Variants in CDKAL1 observed in about 807,000 individuals in gnomAD.
The protein encoded by CDKAL1 is threonylcarbamoyladenosine tRNA methylthiotransferase.
CDKAL1 carries 32 observed loss-of-function variants against 68.2 expected under a neutral mutation model. The observed-to-expected ratio is 0.47, with a 90% CI of 0.35 to 0.63. The LOEUF (loss-of-function observed/expected upper bound fraction) is 0.63. Among genes scored for constraint, CDKAL1 ranks in the 30% least tolerant of loss-of-function variants. CDKAL1 has a pLI of 0.00. For synonymous variants in CDKAL1, 234 were observed against 244.3 expected, an observed-to-expected ratio of 0.96 and a Z score of 0.39; for missense variants, 606 against 696.7, an observed-to-expected ratio of 0.87 and a Z score of 1.47.
At chr6:20,862,636 TG>T (rs60792566) in intron 9 of CDKAL1, among the ~76,000 whole-genome samples, 64 of 9,488 alleles carry the variant, frequency 6.7e-3, no homozygotes, top group African/African-American at 7.9e-3. Context: ...CTTTCCAACT[TG>T]TGTGTGTGTG....
chr6:21,156,368 G>C (rs1205523987), intron 13 of CDKAL1, among the ~76,000 whole-genome samples: 1 of 144,998 alleles, frequency 6.9e-6, no homozygotes, highest in Non-Finnish European at 1.5e-5. Flanking sequence ...AAGTTGCAGT[G>C]AGCCGAGATC....
chr6:21,127,569 T>G (rs1312773104), intron 13 of CDKAL1, among the ~76,000 whole-genome samples: 2 of 152,088 alleles, frequency 1.3e-5, no homozygotes, highest in Non-Finnish European at 2.9e-5. Context: ...GGCCAACATG[T>G]TGAAACCCTG....
At chr6:20,872,882 G>A (rs550563182) in intron 9 of CDKAL1, among the ~76,000 whole-genome samples, 4 of 152,132 alleles carry the variant, frequency 2.6e-5, no homozygotes, top group Non-Finnish European at 4.4e-5. Context: ...TGAAAAACTC[G>A]AGAATTTGGA....
chr6:21,056,949 T>C (rs537418329), intron 11 of CDKAL1, among the ~76,000 whole-genome samples: 5 of 152,336 alleles, frequency 3.3e-5, no homozygotes, highest in African/African-American at 1.2e-4. Flanking sequence ...GATTTTTGCA[T>C]TGATGTTCAT....
At chr6:21,096,943 C>G (rs1773346716) in intron 12 of CDKAL1, among the ~76,000 whole-genome samples, 1 of 152,124 alleles carries the variant, frequency 6.6e-6, no homozygotes, top group African/African-American at 2.4e-5. Flanking sequence ...GTTAAAGGAA[C>G]ATTTTAAATT....
chr6:20,971,452 A>T (rs1317674370), intron 10 of CDKAL1, among the ~76,000 whole-genome samples: 1 of 152,212 alleles, frequency 6.6e-6, no homozygotes, highest in East Asian at 1.9e-4. Flanking sequence ...ATCAAACTTA[A>T]AATTAATAGA....
intron 5 of CDKAL1, among the ~76,000 whole-genome samples, chr6:20,738,063 C>A (rs1773276124): frequency 1.3e-5 from 2 of 152,150 alleles, no homozygotes. Context: ...TAATGTCACA[C>A]CGACAGAAAC....
chr6:20,959,575 C>T (rs1255783564), intron 10 of CDKAL1, among the ~76,000 whole-genome samples: 1 of 150,844 alleles, frequency 6.6e-6, no homozygotes, highest in Non-Finnish European at 1.5e-5. Flanking sequence ...ATTTCATACT[C>T]CTGAAATGTT....
intron 10 of CDKAL1, among the ~76,000 whole-genome samples, chr6:20,968,467 C>T (rs2150749944): frequency 6.6e-6 from 1 of 152,198 alleles, no homozygotes; most frequent in South Asian, 2.1e-4. Context: ...CCAATTAGTG[C>T]TGTTTTTCAA....
At chr6:21,175,589 G>T (rs1777544223) in intron 13 of CDKAL1, among the ~76,000 whole-genome samples, 1 of 151,978 alleles carries the variant, frequency 6.6e-6, no homozygotes, top group African/African-American at 2.4e-5. Flanking sequence ...ATTTTCAAAG[G>T]CTACATGGTT....
At chr6:20,602,009 TTAA>T (rs1766121661) in intron 4 of CDKAL1, among the ~76,000 whole-genome samples, 1 of 152,198 alleles carries the variant, frequency 6.6e-6, no homozygotes, top group Non-Finnish European at 1.5e-5. Context: ...CTGCTGACAG[TTAA>T]TAATAGTAGC....
chr6:20,735,160 G>A (rs1182205674), intron 5 of CDKAL1, among the ~76,000 whole-genome samples: 1 of 152,128 alleles, frequency 6.6e-6, no homozygotes, highest in Non-Finnish European at 1.5e-5. Flanking sequence ...GTGAGCCACT[G>A]CATCCGACCT....
chr6:21,073,106 T>G (rs1347015380), intron 12 of CDKAL1, among the ~76,000 whole-genome samples: 1 of 152,206 alleles, frequency 6.6e-6, no homozygotes, highest in Non-Finnish European at 1.5e-5. Context: ...TGGCTTTTTT[T>G]GCTTAGTAAT....
chr6:20,576,934 G>A (rs895877668), intron 4 of CDKAL1, among the ~76,000 whole-genome samples: 1 of 152,106 alleles, frequency 6.6e-6, no homozygotes, highest in African/African-American at 2.4e-5. Flanking sequence ...ATTTTTTACT[G>A]TGTATGTCTA....
chr6:21,102,825 C>T (rs1023471678), intron 12 of CDKAL1, among the ~76,000 whole-genome samples: 1 of 152,182 alleles, frequency 6.6e-6, no homozygotes, highest in African/African-American at 2.4e-5. Flanking sequence ...TTGTCCAGTT[C>T]GTGAGTTGCC....
intron 9 of CDKAL1, among the ~76,000 whole-genome samples, chr6:20,857,526 C>T (rs916620915): frequency 6.6e-6 from 1 of 152,190 alleles, no homozygotes; most frequent in Non-Finnish European, 1.5e-5. Context: ...TTATTGAGGT[C>T]ATTGGCACTT....
chr6:21,067,390 C>T (rs201083524), intron 12 of CDKAL1, among the ~76,000 whole-genome samples: 1 of 152,166 alleles, frequency 6.6e-6, no homozygotes, highest in African/African-American at 2.4e-5. Context: ...AGCTGTAGTT[C>T]ATCCATTGTT....
intron 9 of CDKAL1, among the ~76,000 whole-genome samples, chr6:20,886,699 A>C (rs1761083130): frequency 6.6e-6 from 1 of 152,222 alleles, no homozygotes; most frequent in Non-Finnish European, 1.5e-5. Flanking sequence ...AAATTCATGG[A>C]GACAAGAAGT....
intron 12 of CDKAL1, among the ~76,000 whole-genome samples, chr6:21,069,991 C>T (rs1022168141): frequency 2.6e-5 from 4 of 151,690 alleles, no homozygotes; most frequent in Admixed American, 6.6e-5. Context: ...GAGGTTTCAC[C>T]GTGTTAACCA....
Sources: allele counts gnomAD v4.1 joint callset (sites outside exome capture counted in the v4.1 genomes callset), GRCh38; gene constraint gnomAD v4.1.1; transcripts MANE v1.5; gene names NCBI Gene and HGNC (gene_info 2026-07-23, HGNC 2026-07-21).